Variants in PKNOX2 observed in about 807,000 individuals in gnomAD.
PKNOX2 encodes the protein PBX/knotted 1 homeobox 2, also known as homeobox protein PKNOX2.
Under a neutral mutation model 53.1 loss-of-function variants are expected in PKNOX2, and 14 were observed. The observed-to-expected ratio is 0.26, with a 90% CI of 0.17 to 0.41. PKNOX2 has a LOEUF of 0.41. PKNOX2 is among the 10% of genes least tolerant of loss of function. The pLI is 1.00. For missense variants in PKNOX2, 496 were observed against 602.8 expected, an observed-to-expected ratio of 0.82 and a Z score of 1.85; for synonymous variants, 257 against 242.8, an observed-to-expected ratio of 1.06 and a Z score of -0.54.
chr11:125,340,802 A>G (rs2136151468), intron 3 of PKNOX2, among the ~76,000 whole-genome samples: 1 of 152,298 alleles, frequency 6.6e-6, no homozygotes, highest in South Asian at 2.1e-4. Flanking sequence ...CCGTAATCCC[A>G]GCACTTTGGG....
intron 6 of PKNOX2, among the ~76,000 whole-genome samples, chr11:125,396,935 G>A (rs1346907360): frequency 6.6e-6 from 1 of 152,134 alleles, no homozygotes; most frequent in African/African-American, 2.4e-5. Flanking sequence ...AAACAAAATT[G>A]CATGCACAAG....
chr11:125,327,135 A>G (rs1330591644), intron 2 of PKNOX2, among the ~76,000 whole-genome samples: 1 of 152,300 alleles, frequency 6.6e-6, no homozygotes, highest in Admixed American at 6.5e-5. Flanking sequence ...TGGACAGGGG[A>G]CAAGTCTTTA....
At position 125,378,738 on chromosome 11, in the gene PKNOX2, G is replaced by A. The variant is rs1952998260; in HGVS notation, c.228-6813G>A. On this transcript the variant is annotated intron_variant, in intron 5 of 12. Coordinates refer to ENST00000298282, the MANE Select transcript of PKNOX2 (RefSeq NM_001382323.2). ...TTAGAAGGGACAGAGTGGCATGACT[G>A]TGAATCACAAAGTTTATCACCCAGA... is the stretch of plus-strand genomic sequence containing the variant. 2.0e-5 allele frequency among the ~76,000 whole-genome samples: 3 copies of A among 152,188 alleles called. No homozygotes were observed. The South Asian group carries it at 6.2e-4, about 32-fold the overall frequency.
chr11:125,294,883 CTG>C (rs1428594879), intron 2 of PKNOX2, among the ~76,000 whole-genome samples: 38 of 152,218 alleles, frequency 2.5e-4, no homozygotes, highest in African/African-American at 8.4e-4. Flanking sequence ...TTGGGGCTCT[CTG>C]AGAGTGAAGG....
intron 6 of PKNOX2, among the ~76,000 whole-genome samples, chr11:125,393,716 G>C (rs1029185878): frequency 6.6e-5 from 10 of 152,144 alleles, no homozygotes; most frequent in Non-Finnish European, 4.4e-5. Flanking sequence ...AGGAGTGAGA[G>C]ATGGGAGATC....
chr11:125,210,437 T>G (rs2135444337), intron 1 of PKNOX2, among the ~76,000 whole-genome samples: 1 of 152,288 alleles, frequency 6.6e-6, no homozygotes, highest in Admixed American at 6.5e-5. Flanking sequence ...CTTCCTGCTC[T>G]TCCCTCTGCT....
intron 1 of PKNOX2, among the ~76,000 whole-genome samples, chr11:125,233,106 A>G (rs1942371360): frequency 6.6e-6 from 1 of 152,208 alleles, no homozygotes; most frequent in Non-Finnish European, 1.5e-5. Context: ...TGCAAGAAAT[A>G]AAAACTGGGA....
At chr11:125,190,223 C>T (rs1329466844) in intron 1 of PKNOX2, among the ~76,000 whole-genome samples, 7 of 152,168 alleles carry the variant, frequency 4.6e-5, no homozygotes, top group African/African-American at 1.2e-4. Flanking sequence ...TGCGCCTGGC[C>T]TTCTCTTTTC....
chr11:125,242,689 T>C (rs1943254673), intron 2 of PKNOX2, among the ~76,000 whole-genome samples: 1 of 152,060 alleles, frequency 6.6e-6, no homozygotes, highest in Non-Finnish European at 1.5e-5. Flanking sequence ...TGTGTGTGAG[T>C]GTGCGAGCGA....
chr11:125,278,059 T>C (rs1946298601), intron 2 of PKNOX2, among the ~76,000 whole-genome samples: 2 of 151,498 alleles, frequency 1.3e-5, no homozygotes, highest in Admixed American at 6.6e-5. Flanking sequence ...TCTACAAAAA[T>C]ACAAAAAAAA....
intron 2 of PKNOX2, among the ~76,000 whole-genome samples, chr11:125,316,739 A>T (rs1949219640): frequency 6.6e-6 from 1 of 152,190 alleles, no homozygotes; most frequent in Non-Finnish European, 1.5e-5. Context: ...GCAAGTCATA[A>T]TTTTTTGCTG....
intron 4 of PKNOX2, among the ~76,000 whole-genome samples, chr11:125,364,881 C>A (rs1952105836): frequency 6.6e-6 from 1 of 152,046 alleles, no homozygotes. Flanking sequence ...AATCCAGCCA[C>A]CCAGCTGAAG....
chr11:125,361,549 T>C (rs550903571), intron 4 of PKNOX2, among the ~76,000 whole-genome samples: 16 of 152,180 alleles, frequency 1.1e-4, no homozygotes, highest in Non-Finnish European at 2.4e-4. Flanking sequence ...TTTTTATTTA[T>C]TTTTTTGACT....
chr11:125,239,002 G>A (rs10893352), intron 2 of PKNOX2, among the ~76,000 whole-genome samples: 1 of 152,012 alleles, frequency 6.6e-6, no homozygotes, highest in African/African-American at 2.4e-5. Context: ...GACTCACTGC[G>A]ATCCAGCATG....
intron 2 of PKNOX2, among the ~76,000 whole-genome samples, chr11:125,307,870 T>C (rs1948565230): frequency 6.6e-6 from 1 of 152,152 alleles, no homozygotes; most frequent in South Asian, 2.1e-4. Context: ...TCAGCACAAA[T>C]GCAACTCACC....
intron 5 of PKNOX2, among the ~76,000 whole-genome samples, chr11:125,376,766 CAG>C (rs1565510453): frequency 6.6e-6 from 1 of 152,092 alleles, no homozygotes; most frequent in Admixed American, 6.5e-5. Context: ...CTTGGGAGTT[CAG>C]AGAGAGAGAA....
At position 125,385,705 on chromosome 11, in the gene PKNOX2, C is replaced by A. The variant is rs776266631; in HGVS notation, c.382C>A (p.Pro128Thr). ...QEHKPFFSDD[P>T]ELDNLMVKAI... ...GCACAAACCCTTCTTCAGCGATGAC[C>A]CAGAACTGGACAATCTGGTAAAGAC... Residue 128 changes from proline (P) to threonine (T), a missense_variant, in exon 6 of 13, where the codon CCA becomes ACA. Transcript: ENST00000298282. 1.9e-6 allele frequency: 3 copies of A among 1,613,768 alleles called. No individual in the cohort carries two copies. The highest frequency in any genetic ancestry group is 2.5e-6 in the Non-Finnish European group (3 of 1,179,896).
At chr11:125,424,282 C>G (rs1190246529) in intron 10 of PKNOX2, among the ~76,000 whole-genome samples, 2 of 152,056 alleles carry the variant, frequency 1.3e-5, no homozygotes, top group African/African-American at 4.8e-5. Context: ...AAAGCATGAA[C>G]AAGGGCAATG....
intron 3 of PKNOX2, among the ~76,000 whole-genome samples, chr11:125,345,691 C>T (rs1950933612): frequency 1.3e-5 from 2 of 152,186 alleles, no homozygotes; most frequent in Non-Finnish European, 2.9e-5. Flanking sequence ...CAACTCCGTT[C>T]TACCAGCAAC....
Sources: allele counts gnomAD v4.1 joint callset (sites outside exome capture counted in the v4.1 genomes callset), GRCh38; gene constraint gnomAD v4.1.1; transcripts MANE v1.5; gene names NCBI Gene and HGNC (gene_info 2026-07-23, HGNC 2026-07-21).